The following NOL10 variants were observed in gnomAD, a reference collection of about 807,000 sequenced individuals.
NOL10 encodes nucleolar protein 10, also known as H_NH0074G24.1.
Under a neutral mutation model 103.5 loss-of-function variants are expected in NOL10, and 58 were observed. The ratio of observed to expected loss-of-function variants is 0.56; its 90% confidence interval spans 0.45 to 0.70. The LOEUF is 0.70. NOL10 is among the 30% of genes least tolerant of loss of function. The pLI, the probability that NOL10 is intolerant of heterozygous loss-of-function variation, is 0.00. For synonymous variants in NOL10, 287 were observed against 282.5 expected, an observed-to-expected ratio of 1.02 and a Z score of -0.16; for missense variants, 763 against 807.3, an observed-to-expected ratio of 0.95 and a Z score of 0.67.
At chr2:10,661,763 T>C (rs1680224767) in intron 9 of NOL10, among the ~76,000 whole-genome samples, 1 of 152,144 alleles carries the variant, frequency 6.6e-6, no homozygotes, top group African/African-American at 2.4e-5. Flanking sequence ...CTGCTTCCCC[T>C]ATCCAACACT....
chr2:10,595,096 A>G (rs1246569916), intron 17 of NOL10, among the ~76,000 whole-genome samples: 1 of 148,466 alleles, frequency 6.7e-6, no homozygotes, highest in Non-Finnish European at 1.5e-5. Flanking sequence ...CTAACACTAA[A>G]AAGTTAAGAG....
chr2:10,606,093 G>C (rs12618796), intron 14 of NOL10, among the ~76,000 whole-genome samples: 1 of 152,118 alleles, frequency 6.6e-6, no homozygotes, highest in African/African-American at 2.4e-5. Context: ...CTCTAACCTA[G>C]AGGAGGGCTA....
chr2:10,603,169 C>A lies in NOL10; in HGVS notation c.1154-12G>T, dbSNP rs753535102. The A allele has an allele frequency of 2.5e-6, 4 of 1,601,104 alleles. No homozygotes were observed. The South Asian group carries it at 3.3e-5, about 13-fold the overall frequency. ...GAGGTGGGTGAGCCCTGGGAAAGGT[C>A]AAACAGAAGACAGCAGGTCCTTATG... is the stretch of plus-strand genomic sequence containing the variant. On this transcript the variant is annotated splice_polypyrimidine_tract_variant and intron_variant, in intron 14 of 20. Transcript: ENST00000381685.
At chr2:10,623,267 GTCTTACCGGAGAAGT>G (rs1677251289) in intron 13 of NOL10, among the ~76,000 whole-genome samples, 1 of 152,022 alleles carries the variant, frequency 6.6e-6, no homozygotes, top group Non-Finnish European at 1.5e-5. Flanking sequence ...TACTTCTCCA[GTCTTACCGGAGAAGT>G]ATCAGTATCT....
chr2:10,624,819 C>T (rs911566829), intron 13 of NOL10, among the ~76,000 whole-genome samples: 8 of 152,108 alleles, frequency 5.3e-5, no homozygotes, highest in Non-Finnish European at 7.4e-5. Flanking sequence ...AGAACCTACA[C>T]GAGAATGTTT....
rs1679130181 is a variant in NOL10 at position 10,647,121 on chromosome 2, GAA to G, written c.974-2751_974-2750del. Among the ~76,000 whole-genome samples the G allele has an allele frequency of 1.3e-5, 2 of 152,122 alleles. 1 individual carries two copies. Among genetic ancestry groups the G allele is most frequent in the South Asian group, 4.1e-4 (2 of 4,826 alleles). ...TAAAACTATACATTTTTAAAGGAAG[GAA>G]AAGATATCAGCACCTGGAGTCAAAA... On this transcript the variant is annotated intron_variant, in intron 12 of 20. Coordinates refer to ENST00000381685, the MANE Select transcript of NOL10 (RefSeq NM_024894.4).
At chr2:10,685,386 G>A (rs888112919) in intron 1 of NOL10, among the ~76,000 whole-genome samples, 2 of 150,328 alleles carry the variant, frequency 1.3e-5, no homozygotes, top group Non-Finnish European at 3.0e-5. Context: ...CCAGCTACTC[G>A]GGAGGCTGAG....
At chr2:10,685,847 TGAGCCCAGGAGTTC>T (rs1682158962) in intron 1 of NOL10, among the ~76,000 whole-genome samples, 1 of 136,074 alleles carries the variant, frequency 7.3e-6, no homozygotes, top group Non-Finnish European at 1.6e-5. Context: ...GGGGATCACT[TGAGCCCAGGAGTTC>T]GAGACCAGCC....
chr2:10,625,474 A>C (rs992224301), intron 13 of NOL10, among the ~76,000 whole-genome samples: 1 of 152,240 alleles, frequency 6.6e-6, no homozygotes, highest in Non-Finnish European at 1.5e-5. Flanking sequence ...ACAGACATGC[A>C]AGAAACATGG....
intron 8 of NOL10, 21 bp downstream of exon 8, chr2:10,667,197 A>T (rs1454076456): frequency 4.0e-5 from 62 of 1,534,430 alleles, no homozygotes; most frequent in Non-Finnish European, 5.5e-5. Context: ...ATTCTAAAAA[A>T]TAAAGTCAAC....
chr2:10,649,225 T>A (rs1327115267), intron 12 of NOL10, among the ~76,000 whole-genome samples: 2 of 151,638 alleles, frequency 1.3e-5, no homozygotes, highest in African/African-American at 4.8e-5. Context: ...ATAAATCAAT[T>A]ATGGTGAAGA....
intron 19 of NOL10, among the ~76,000 whole-genome samples, chr2:10,578,015 C>G (rs1016786924): frequency 6.6e-6 from 1 of 152,162 alleles, no homozygotes; most frequent in African/African-American, 2.4e-5. Context: ...TGCTACTTTT[C>G]TTACTAAAAT....
At chr2:10,577,512 G>GGAA (rs1201450203) in intron 20 of NOL10, 124 bp downstream of exon 20, 2 of 701,866 alleles carry the variant, frequency 2.8e-6, no homozygotes, top group Non-Finnish European at 4.7e-6. Context: ...GTTAGAACAG[G>GGAA]GAACACAGCT....
intron 14 of NOL10, among the ~76,000 whole-genome samples, chr2:10,605,118 C>T (rs929277012): frequency 6.6e-6 from 1 of 152,132 alleles, no homozygotes; most frequent in Non-Finnish European, 1.5e-5. Context: ...CTTAAAGAGG[C>T]GAAGTGAATT....
At chr2:10,687,585 A>G (rs1165114696) in intron 1 of NOL10, among the ~76,000 whole-genome samples, 1 of 152,114 alleles carries the variant, frequency 6.6e-6, no homozygotes, top group Non-Finnish European at 1.5e-5. Context: ...TGCAATCTCC[A>G]TCCTAGTATC....
intron 20 of NOL10, among the ~76,000 whole-genome samples, chr2:10,576,685 G>C (rs1674468766): frequency 6.6e-6 from 1 of 152,214 alleles, no homozygotes; most frequent in Non-Finnish European, 1.5e-5. Context: ...ACAGGAAGTA[G>C]ATTAGTGGTT....
At chr2:10,607,364 AG>A in intron 13 of NOL10, 53 bp from the exon 14 acceptor site, 1 of 1,532,648 alleles carries the variant, frequency 6.5e-7, no homozygotes, top group Non-Finnish European at 8.7e-7. Flanking sequence ...ACGCCATCCA[AG>A]TCTCAGTTAT....
chr2:10,681,691 G>A (rs1268489840), intron 3 of NOL10, among the ~76,000 whole-genome samples: 4 of 152,106 alleles, frequency 2.6e-5, no homozygotes, highest in Non-Finnish European at 5.9e-5. Context: ...AAGTATACTG[G>A]TATCTTCAAC....
intron 13 of NOL10, among the ~76,000 whole-genome samples, chr2:10,633,954 G>A (rs1371774135): frequency 1.3e-5 from 2 of 152,006 alleles, no homozygotes; most frequent in African/African-American, 4.8e-5. Context: ...AGCATCCCAA[G>A]TAGCTGGAAC....
Sources: allele counts gnomAD v4.1 joint callset (sites outside exome capture counted in the v4.1 genomes callset), GRCh38; gene constraint gnomAD v4.1.1; transcripts MANE v1.5; gene names NCBI Gene and HGNC (gene_info 2026-07-23, HGNC 2026-07-21).